Variants in TMEM132C observed in about 807,000 individuals in gnomAD.
TMEM132C encodes protein phosphatase 1, regulatory subunit 152.
A neutral mutation model predicts 61.4 loss-of-function variants in TMEM132C; 29 were observed. That is an observed-to-expected ratio of 0.47 (90% confidence interval 0.35 to 0.64). The LOEUF (loss-of-function observed/expected upper bound fraction) is 0.64. TMEM132C is among the 30% of genes least tolerant of loss of function. The pLI is 0.00. For synonymous variants in TMEM132C, 656 were observed against 633.1 expected (o/e 1.04, Z -0.54); for missense variants, 1,408 against 1,476.9 (o/e 0.95, Z 0.76).
chr12:128,401,255 C>G (rs1219183589), intron 1 of TMEM132C, among the ~76,000 whole-genome samples: 1 of 152,148 alleles, frequency 6.6e-6, no homozygotes, highest in Admixed American at 6.5e-5. Flanking sequence ...AAAAGTTTGC[C>G]AACCCCTGGA....
intron 3 of TMEM132C, among the ~76,000 whole-genome samples, chr12:128,585,646 A>G (rs1875517094): frequency 6.6e-6 from 1 of 152,376 alleles, no homozygotes; most frequent in South Asian, 2.1e-4. Flanking sequence ...ATGATCTGGA[A>G]CATTCTCTAA....
chr12:128,625,411 T>C (rs559992628), intron 4 of TMEM132C, among the ~76,000 whole-genome samples: 3 of 152,292 alleles, frequency 2.0e-5, no homozygotes, highest in Non-Finnish European at 2.9e-5. Flanking sequence ...ATAAGGACAC[T>C]GTATTAGTCC....
At chr12:128,353,902 T>C (rs1251297803) in intron 1 of TMEM132C, among the ~76,000 whole-genome samples, 1 of 152,154 alleles carries the variant, frequency 6.6e-6, no homozygotes, top group Non-Finnish European at 1.5e-5. Context: ...GTTGCTGTTG[T>C]TTTCCATTTG....
At chr12:128,276,343 G>A (rs758406810) in intron 1 of TMEM132C, among the ~76,000 whole-genome samples, 7 of 152,124 alleles carry the variant, frequency 4.6e-5, no homozygotes, top group Non-Finnish European at 1.0e-4. Context: ...AAAACACAAA[G>A]CAAAGAAAAC....
chr12:128,292,878 A>G lies in TMEM132C; in HGVS notation c.85+25391A>G, dbSNP rs80263436. Among the ~76,000 whole-genome samples, 299 of 152,248 alleles carry G rather than the reference A, an allele frequency of 2.0e-3. 7 individuals carry two copies. In the East Asian group the frequency reaches 0.047, roughly 24 times the overall value. Reference sequence around the variant, plus strand: ...AGTTTTCTTTCATAAACAGAATAGCATAGAAATTCTATTCCTAATAGAGCA... The same window carrying G: ...AGTTTTCTTTCATAAACAGAATAGCGTAGAAATTCTATTCCTAATAGAGCA... On this transcript the variant is annotated intron_variant, in intron 1 of 8. Coordinates refer to ENST00000435159, the MANE Select transcript of TMEM132C (RefSeq NM_001136103.3).
At chr12:128,668,481 G>A (rs768369685) in intron 4 of TMEM132C, among the ~76,000 whole-genome samples, 1 of 152,152 alleles carries the variant, frequency 6.6e-6, no homozygotes, top group African/African-American at 2.4e-5. Flanking sequence ...CCTTATTTGG[G>A]AGACACAGCC....
At position 128,415,418 on chromosome 12, in the gene TMEM132C, G is replaced by A. The variant is rs1398900199; in HGVS notation, c.772G>A (p.Gly258Arg). The A allele has an allele frequency of 1.3e-6, 2 of 1,551,472 alleles. No individual in the cohort carries two copies. The highest frequency in any genetic ancestry group is 2.0e-5 in the Admixed American group (1 of 50,976). Residue 258 changes from glycine to arginine, a missense_variant, in exon 2 of 9, where the codon GGG (glycine) becomes AGG (arginine). By Grantham distance (125) the Gly-to-Arg change is moderately radical. Coordinates refer to ENST00000435159, the MANE Select transcript of TMEM132C (RefSeq NM_001136103.3). This position sits in a 1 kb window ranked among gnomAD's most constrained non-coding sequence, Gnocchi z 5.8. ...KGNAIRPGKDGLEETTSHLQR... is the reference protein window; with the variant it reads ...KGNAIRPGKDRLEETTSHLQR... ...CAACGCCATCCGTCCAGGAAAGGAT[G>A]GGCTGGAGGAAACCACGTCCCACCT...
At chr12:128,680,208 A>G (rs1402751285) in intron 5 of TMEM132C, among the ~76,000 whole-genome samples, 1 of 152,234 alleles carries the variant, frequency 6.6e-6, no homozygotes, top group Non-Finnish European at 1.5e-5. Context: ...GGGTTTAAGT[A>G]GATCACTCGA....
At chr12:128,653,483 A>C (rs1331100058) in intron 4 of TMEM132C, among the ~76,000 whole-genome samples, 3 of 152,180 alleles carry the variant, frequency 2.0e-5, no homozygotes, top group Non-Finnish European at 4.4e-5. Context: ...TTGAGTTACA[A>C]TATATGAGGG....
chr12:128,365,374 T>C (rs1039779054), intron 1 of TMEM132C, among the ~76,000 whole-genome samples: 1 of 152,208 alleles, frequency 6.6e-6, no homozygotes, highest in African/African-American at 2.4e-5. Context: ...GTTGCTGCTG[T>C]TGTCATTATC....
Position 128,570,454 on chromosome 12 carries a change from T to G in TMEM132C, c.1121+26351T>G, listed in dbSNP as rs1176409387. ...GACTTCATTCCAGAATTTGCTTGGT[T>G]TTGCCTTCTTTTTTACGTGTCACTC... On this transcript the variant is annotated intron_variant, in intron 3 of 8. Transcript: ENST00000435159. This position sits in a 1 kb window ranked among gnomAD's most constrained non-coding sequence, Gnocchi z 4.7. Among the ~76,000 whole-genome samples the G allele has an allele frequency of 6.6e-6, 1 of 152,206 alleles. No individual in the cohort carries two copies. The highest frequency in any genetic ancestry group is 2.4e-5 in the African/African-American group (1 of 41,454).
intron 1 of TMEM132C, among the ~76,000 whole-genome samples, chr12:128,403,087 G>C (rs550633456): frequency 6.6e-6 from 1 of 152,322 alleles, no homozygotes; most frequent in South Asian, 2.1e-4. Context: ...GGATATTCAG[G>C]CTTTGTTCAG....
At chr12:128,365,545 A>C (rs1374501954) in intron 1 of TMEM132C, among the ~76,000 whole-genome samples, 1 of 152,170 alleles carries the variant, frequency 6.6e-6, no homozygotes, top group Non-Finnish European at 1.5e-5. Context: ...TTTCCCGACC[A>C]AATTCACATT....
At chr12:128,464,762 C>CAGAAAGAAAGAAAGAAAGAAAGAA (rs35359461) in intron 2 of TMEM132C, among the ~76,000 whole-genome samples, 7 of 127,864 alleles carry the variant, frequency 5.5e-5, no homozygotes, top group Admixed American at 1.7e-4. Context: ...AAGACCCTGT[C>CAGAAAGAAAGAAAGAAAGAAAGAA]AGAAAGAAAG....
chr12:128,306,486 G>A (rs917780738), intron 1 of TMEM132C, among the ~76,000 whole-genome samples: 13 of 152,178 alleles, frequency 8.5e-5, no homozygotes, highest in East Asian at 1.9e-4. Context: ...ACAGGCGTGA[G>A]CCACCGCACC....
At chr12:128,587,907 A>C (rs957109756) in intron 3 of TMEM132C, among the ~76,000 whole-genome samples, 3 of 152,246 alleles carry the variant, frequency 2.0e-5, no homozygotes, top group African/African-American at 7.2e-5. Context: ...TGCAGGCGAT[A>C]TGCATTCCAA....
Position 128,326,276 on chromosome 12 carries a change from AC to A in TMEM132C, c.85+58795del, listed in dbSNP as rs1213313216. On this transcript the variant is annotated intron_variant, in intron 1 of 8. Coordinates refer to ENST00000435159, the MANE Select transcript of TMEM132C (RefSeq NM_001136103.3). This position sits in a 1 kb window ranked among gnomAD's most constrained non-coding sequence, Gnocchi z 5.6. Reference sequence around the variant, plus strand: ...CCTCCCCACCACCATCACTCCATGAACCCCCCAGCCTCCCTGGGCTCTTCTC... The same window carrying A: ...CCTCCCCACCACCATCACTCCATGAACCCCCAGCCTCCCTGGGCTCTTCTC... Among the ~76,000 whole-genome samples, 1 of 151,522 alleles carries A rather than the reference AC, an allele frequency of 6.6e-6. No homozygotes were observed. The highest frequency in any genetic ancestry group is 2.4e-5 in the African/African-American group (1 of 41,192).
rs918301319 is a variant in TMEM132C at position 128,669,733 on chromosome 12, A to G, written c.1449+173A>G. ...TCCATTGCCATCTCTTTGTTTTCAC[A>G]TCATGCCAACCTGGTTAGGGTTTTT... On this transcript the variant is annotated intron_variant, in intron 5 of 8. Coordinates refer to ENST00000435159, the MANE Select transcript of TMEM132C (RefSeq NM_001136103.3). 1.3e-5 allele frequency among the ~76,000 whole-genome samples: 2 copies of G among 152,180 alleles called. 1 individual carries two copies. Among genetic ancestry groups the G allele is most frequent in the Admixed American group, 1.3e-4 (2 of 15,280 alleles).
At chr12:128,464,013 AAC>A (rs1870635610) in intron 2 of TMEM132C, among the ~76,000 whole-genome samples, 1 of 152,088 alleles carries the variant, frequency 6.6e-6, no homozygotes, top group East Asian at 1.9e-4. Flanking sequence ...TCCCCTAAAT[AAC>A]ACAGGTATTT....
Sources: allele counts gnomAD v4.1 joint callset (sites outside exome capture counted in the v4.1 genomes callset), GRCh38; gene constraint gnomAD v4.1.1; non-coding constraint Gnocchi (gnomAD v3.1); transcripts MANE v1.5; gene names NCBI Gene and HGNC (gene_info 2026-07-23, HGNC 2026-07-21).